Variants in EXTL3 observed in about 807,000 individuals in gnomAD.
EXTL3 encodes exostosin like glycosyltransferase 3, also known as exostosin-like 3.
A neutral mutation model predicts 69.3 loss-of-function variants in EXTL3; 27 were observed. The ratio of observed to expected loss-of-function variants is 0.39; its 90% CI spans 0.29 to 0.54. The LOEUF is 0.54. Among genes scored for constraint, EXTL3 ranks in the 20% least tolerant of loss-of-function variants. The pLI is 0.69. For synonymous variants in EXTL3, 511 were observed against 499.4 expected, an observed-to-expected ratio of 1.02 and a Z score of -0.31; for missense variants, 1,003 against 1,231.8, an observed-to-expected ratio of 0.81 and a Z score of 2.78.
chr8:28,624,332 G>T (rs895396530), intron 1 of EXTL3, among the ~76,000 whole-genome samples: 3 of 152,192 alleles, frequency 2.0e-5, no homozygotes, highest in Non-Finnish European at 2.9e-5. Flanking sequence ...CGGAGGCCGA[G>T]GTGGGAGGAT....
In EXTL3 at chr8:28,716,309, C is replaced by G; in HGVS notation, c.250C>G (p.Arg84Gly). ...CEVKHVLDLCRIRESVSEELL... is the reference protein window; with the variant it reads ...CEVKHVLDLCGIRESVSEELL... The stretch of plus-strand genomic sequence containing the variant: ...GGTGAAGCACGTGCTGGATCTGTGC[C>G]GCATCCGGGAGTCGGTGAGTGAAGA... The change falls in exon 3 of 7, where the codon CGC becomes GGC. Residue 84 changes from arginine (R) to glycine (G), a missense_variant. Arg to Gly is a moderately radical substitution (Grantham distance 125). Transcript: ENST00000220562. The surrounding 1 kb of genome is among the most constrained non-coding windows in gnomAD (Gnocchi z 7.1). 6.2e-7 allele frequency: 1 copy of G among 1,614,202 alleles called. No individual in the cohort carries two copies. Among genetic ancestry groups the G allele is most frequent in the Non-Finnish European group, 8.5e-7 (1 of 1,180,040 alleles).
intron 1 of EXTL3, among the ~76,000 whole-genome samples, chr8:28,691,884 C>T (rs936262050): frequency 3.3e-5 from 5 of 151,762 alleles, no homozygotes; most frequent in African/African-American, 9.7e-5. Context: ...GGGGCAACAG[C>T]GAAACTCCGT....
chr8:28,607,930 A>AGG (rs1563422930), intron 2 of EXTL3, among the ~76,000 whole-genome samples: 24 of 151,868 alleles, frequency 1.6e-4, no homozygotes, highest in Non-Finnish European at 2.6e-4. Context: ...GGCTAACACC[A>AGG]TGAAACCCCG....
chr8:28,635,127 A>G (rs898998876), intron 1 of EXTL3, among the ~76,000 whole-genome samples: 1 of 152,168 alleles, frequency 6.6e-6, no homozygotes, highest in African/African-American at 2.4e-5. Flanking sequence ...AAATTCCTCA[A>G]TAAAAGATGA....
At chr8:28,739,612 T>C (rs923896045) in intron 5 of EXTL3, among the ~76,000 whole-genome samples, 14 of 152,326 alleles carry the variant, frequency 9.2e-5, no homozygotes, top group African/African-American at 3.4e-4. Flanking sequence ...ATTACAGATG[T>C]GAGGAACCGT....
At chr8:28,619,820 T>A (rs1806384892), upstream of EXTL3, among the ~76,000 whole-genome samples, 1 of 144,240 alleles carries the variant, frequency 6.9e-6, no homozygotes, top group Admixed American at 7.1e-5. Flanking sequence ...TCCGTATCCG[T>A]ACACCGCCGA....
At chr8:28,749,487 C>T (rs1325765438) in intron 6 of EXTL3, among the ~76,000 whole-genome samples, 1 of 152,186 alleles carries the variant, frequency 6.6e-6, no homozygotes, top group Admixed American at 6.5e-5. Context: ...TCCACCCCTC[C>T]CTGCTCCCCT....
chr8:28,712,620 A>T (rs1801053885), intron 1 of EXTL3, among the ~76,000 whole-genome samples: 1 of 152,212 alleles, frequency 6.6e-6, no homozygotes, highest in Non-Finnish European at 1.5e-5. Flanking sequence ...AGAGATTCTG[A>T]GGGTATCCTT....
intron 3 of EXTL3, among the ~76,000 whole-genome samples, chr8:28,729,856 T>A (rs1177120738): frequency 6.0e-5 from 9 of 151,044 alleles, no homozygotes; most frequent in Admixed American, 4.0e-4. Context: ...TTTTTTTTTT[T>A]AAAGTTATGA....
chr8:28,743,343 C>T (rs530604002), intron 6 of EXTL3, 129 bp downstream of exon 6: 1 of 1,068,158 alleles, frequency 9.4e-7, no homozygotes, highest in South Asian at 1.3e-5. Context: ...TACTACCTAC[C>T]TCATCAAAGG....
intron 1 of EXTL3, among the ~76,000 whole-genome samples, chr8:28,673,991 G>A (rs1206646448): frequency 1.3e-5 from 2 of 152,178 alleles, no homozygotes; most frequent in East Asian, 3.9e-4. Context: ...TGTTTGTAGA[G>A]ATACACAGAA....
intron 1 of EXTL3, among the ~76,000 whole-genome samples, chr8:28,685,229 C>T (rs1023304197): frequency 6.6e-6 from 1 of 152,172 alleles, no homozygotes; most frequent in Non-Finnish European, 1.5e-5. Context: ...GGATTACAGG[C>T]GTGAGCCACC....
chr8:28,705,947 G>A (rs1227260690), intron 1 of EXTL3, among the ~76,000 whole-genome samples: 1 of 152,156 alleles, frequency 6.6e-6, no homozygotes, highest in African/African-American at 2.4e-5. Flanking sequence ...TTTTGCTTCT[G>A]TTTGTTTTTC....
chr8:28,638,796 T>C (rs1035111228), intron 1 of EXTL3, among the ~76,000 whole-genome samples: 2 of 152,148 alleles, frequency 1.3e-5, no homozygotes, highest in African/African-American at 4.8e-5. Flanking sequence ...CATGGCTGGC[T>C]AATTTTGTAT....
chr8:28,676,756 G>A (rs534987342), intron 1 of EXTL3, among the ~76,000 whole-genome samples: 13 of 152,258 alleles, frequency 8.5e-5, no homozygotes, highest in African/African-American at 1.4e-4. Context: ...GAGGAAGATC[G>A]CCCAAAGTGG....
rs1165566898 is a variant in EXTL3 at position 28,716,240 on chromosome 8, G to A, written c.181G>A (p.Gly61Ser). Reference sequence around the variant, plus strand: ...CACTCTGGATGAGGCTGATGAGGCAGGCAAGCGGATTTTTGGTCCCCGGGT... The same window carrying A: ...CACTCTGGATGAGGCTGATGAGGCAAGCAAGCGGATTTTTGGTCCCCGGGT... ...LTTLDEADEAGKRIFGPRVGN... is the reference protein window; with the variant it reads ...LTTLDEADEASKRIFGPRVGN... Residue 61 changes from glycine (G) to serine (S), a missense_variant, in exon 3 of 7, where the codon GGC becomes AGC. Physicochemically the swap from Gly to Ser is moderately conservative, Grantham distance 56. This residue lies in a region of EXTL3 where 742 missense variants were observed against 815.4 expected (regional missense o/e 0.91). Transcript: ENST00000220562. This position sits in a 1 kb window ranked among gnomAD's most constrained non-coding sequence, Gnocchi z 7.1. The A allele has an allele frequency of 1.2e-6, 2 of 1,614,252 alleles. No homozygotes were observed. Among genetic ancestry groups the A allele is most frequent in the East Asian group, 2.2e-5 (1 of 44,890 alleles).
At chr8:28,749,321 A>G (rs1801955077) in intron 6 of EXTL3, among the ~76,000 whole-genome samples, 1 of 152,248 alleles carries the variant, frequency 6.6e-6, no homozygotes, top group Non-Finnish European at 1.5e-5. Flanking sequence ...AAAAAGAACA[A>G]ACAGATTGGA....
chr8:28,701,154 G>C (rs1338394301), upstream of EXTL3: 6 of 152,256 alleles, frequency 3.9e-5, no homozygotes, highest in African/African-American at 1.4e-4. Flanking sequence ...CTTTCCCGGG[G>C]CCGGCGCCCC....
chr8:28,743,612 AAG>A (rs1342037537), intron 6 of EXTL3, among the ~76,000 whole-genome samples: 7 of 152,218 alleles, frequency 4.6e-5, no homozygotes, highest in African/African-American at 1.7e-4. Context: ...TATCTGCAAA[AAG>A]TATTGTTTGT....
Sources: allele counts gnomAD v4.1 joint callset (sites outside exome capture counted in the v4.1 genomes callset), GRCh38; gene constraint gnomAD v4.1.1; regional missense constraint gnomAD v4.1.1; non-coding constraint Gnocchi (gnomAD v3.1); transcripts MANE v1.5; gene names NCBI Gene and HGNC (gene_info 2026-07-23, HGNC 2026-07-21).